RTN4RL1: variants seen among roughly 807,000 people sequenced by gnomAD.
RTN4RL1 encodes the protein reticulon 4 receptor like 1.
In RTN4RL1, 7 loss-of-function variants were observed where a neutral mutation model predicts 25.6. The ratio of observed to expected loss-of-function variants is 0.27; its 90% CI spans 0.16 to 0.51. The LOEUF is 0.51. Ranked by LOEUF, RTN4RL1 falls within the 20% of genes least tolerant of loss-of-function variation. The pLI is 0.97. For synonymous variants in RTN4RL1, 297 were observed against 288.2 expected, an observed-to-expected ratio of 1.03 and a Z score of -0.31; for missense variants, 500 against 615.6, an observed-to-expected ratio of 0.81 and a Z score of 1.99.
At chr17:1,990,615 C>G (rs780721080) in intron 1 of RTN4RL1, among the ~76,000 whole-genome samples, 2 of 151,974 alleles carry the variant, frequency 1.3e-5, no homozygotes, top group Non-Finnish European at 2.9e-5. Flanking sequence ...GTGGGAGGAT[C>G]GCTTGAGCCC....
intron 1 of RTN4RL1, among the ~76,000 whole-genome samples, chr17:2,005,405 A>G (rs1207963108): frequency 6.6e-6 from 1 of 152,214 alleles, no homozygotes; most frequent in East Asian, 1.9e-4. Flanking sequence ...AGTCTGGAGA[A>G]AAAAGGTAAT....
chr17:1,979,825 C>T (rs777691768), intron 1 of RTN4RL1, among the ~76,000 whole-genome samples: 4 of 152,214 alleles, frequency 2.6e-5, no homozygotes, highest in Non-Finnish European at 4.4e-5. Context: ...TCCTCCTCCC[C>T]CCTTGACTGC....
At chr17:2,000,176 G>C (rs73976166) in intron 1 of RTN4RL1, among the ~76,000 whole-genome samples, 6 of 152,232 alleles carry the variant, frequency 3.9e-5, no homozygotes, top group African/African-American at 1.4e-4. Flanking sequence ...GCTGCCCCAG[G>C]TGTCCCTACC....
At position 2,013,618 on chromosome 17, in the gene RTN4RL1, CAG is replaced by C. The variant is rs1170842132; in HGVS notation, c.13+11233_13+11234del. On this transcript the variant is annotated intron_variant, in intron 1 of 1. Transcript: ENST00000331238. ...CCCTCACCCTGGAACATAAATACCC[CAG>C]CTCCCTCACCCTGGAACATAAATAC... Among the ~76,000 whole-genome samples the C allele has an allele frequency of 2.3e-3, 328 of 144,228 alleles. 119 individuals carry two copies. Among genetic ancestry groups the C allele is most frequent in the Admixed American group, 5.8e-3 (84 of 14,406 alleles). The allele number at this position is 144,228 out of a possible 152,430, so 94.6% of individuals were successfully genotyped here.
chr17:1,947,465 G>A (rs1297385983), intron 1 of RTN4RL1, among the ~76,000 whole-genome samples: 3 of 146,916 alleles, frequency 2.0e-5, no homozygotes, highest in Non-Finnish European at 4.6e-5. Context: ...GTCTTATCTC[G>A]GCACTGGCTC....
intron 1 of RTN4RL1, among the ~76,000 whole-genome samples, chr17:1,943,718 TC>T (rs1424334158): frequency 2.0e-5 from 3 of 152,148 alleles, no homozygotes; most frequent in African/African-American, 7.2e-5. Context: ...ACAGGCCACT[TC>T]CTGGTGGGCC....
chr17:2,009,145 A>T (rs1476183662), intron 1 of RTN4RL1, among the ~76,000 whole-genome samples: 1 of 152,224 alleles, frequency 6.6e-6, no homozygotes, highest in Non-Finnish European at 1.5e-5. Context: ...ACTAAGTTCT[A>T]TGTTGTATGC....
chr17:1,968,933 T>C (rs1261355849), intron 1 of RTN4RL1, among the ~76,000 whole-genome samples: 1 of 151,948 alleles, frequency 6.6e-6, no homozygotes, highest in Non-Finnish European at 1.5e-5. Context: ...CATATAAAAA[T>C]AGAACTCTGA....
In RTN4RL1 at chr17:2,024,899, T is replaced by C; in HGVS notation, c.-34A>G. 6.3e-7 allele frequency: 1 copy of C among 1,578,584 alleles called. No homozygotes were observed. The highest frequency in any genetic ancestry group is 8.6e-7 in the Non-Finnish European group (1 of 1,163,060). ...CGGGGCCGCCGCTCCGAGGTCGGCC[T>C]AGGCGCACTCCCTCCCGGGGTCCAG... On this transcript the variant is annotated 5_prime_UTR_variant, in exon 1 of 2. Coordinates refer to ENST00000331238, the MANE Select transcript of RTN4RL1 (RefSeq NM_178568.4).
rs1328999112 is a variant in RTN4RL1 at position 2,002,053 on chromosome 17, C to A, written c.13+22800G>T. On this transcript the variant is annotated intron_variant, in intron 1 of 1. Transcript: ENST00000331238. The stretch of plus-strand genomic sequence containing the variant: ...ACTTGGTCTGATCAGAGGAGAGACG[C>A]AGGGAGCTGACAAGCATCGGAGGTT... Among the ~76,000 whole-genome samples, 6 of 151,046 alleles carry A rather than the reference C, an allele frequency of 4.0e-5. No homozygotes were observed. The East Asian group carries it at 1.2e-3, about 29-fold the overall frequency.
At chr17:1,942,333 G>T (rs1250102400) in intron 1 of RTN4RL1, among the ~76,000 whole-genome samples, 1 of 152,132 alleles carries the variant, frequency 6.6e-6, no homozygotes, top group Admixed American at 6.5e-5. Context: ...GGTGTGGGGG[G>T]TGCCAGTGGG....
chr17:1,989,975 A>C (rs906565795), intron 1 of RTN4RL1, among the ~76,000 whole-genome samples: 6 of 152,224 alleles, frequency 3.9e-5, no homozygotes, highest in Non-Finnish European at 8.8e-5. Context: ...AACAAAACAA[A>C]AAACAAAGGT....
At chr17:2,004,477 C>A (rs1160436199) in intron 1 of RTN4RL1, among the ~76,000 whole-genome samples, 1 of 151,386 alleles carries the variant, frequency 6.6e-6, no homozygotes, top group Admixed American at 6.6e-5. Context: ...CTTTTCCAGT[C>A]GGGGGACCCT....
At position 1,936,442 on chromosome 17, in the gene RTN4RL1, A is replaced by C. The variant is rs1915304826; in HGVS notation, c.*54T>G. On this transcript the variant is annotated 3_prime_UTR_variant, in exon 2 of 2. Transcript: ENST00000331238. ...CACTTGTTAAAAAAAGAAGAAAATA[A>C]ATTCTGTTCCTTGGTGGACATGTGG... The C allele has an allele frequency of 2.7e-6, 4 of 1,482,064 alleles. No individual in the cohort carries two copies. Among genetic ancestry groups the C allele is most frequent in the Non-Finnish European group, 3.6e-6 (4 of 1,125,118 alleles). The allele number at this position is 1,482,064 out of a possible 1,614,324, so 91.8% of individuals were successfully genotyped here.
chr17:1,945,304 C>A (rs907912612), intron 1 of RTN4RL1, among the ~76,000 whole-genome samples: 1 of 152,172 alleles, frequency 6.6e-6, no homozygotes. Flanking sequence ...CTCACTGTAA[C>A]CTCCACCTCC....
rs1250244095 is a variant in RTN4RL1 at position 1,998,770 on chromosome 17, G to A, written c.13+26083C>T. Among the ~76,000 whole-genome samples the A allele has an allele frequency of 2.0e-5, 3 of 151,542 alleles. No individual in the cohort carries two copies. Among genetic ancestry groups the A allele is most frequent in the African/African-American group, 7.3e-5 (3 of 41,274 alleles). ...GACAGGGGCGGCCTCGCGCGCACGG[G>A]GACCCCGGGGTGGGGGTGGGGGTGG... On this transcript the variant is annotated intron_variant, in intron 1 of 1. Transcript: ENST00000331238. This position sits in a 1 kb window ranked among gnomAD's most constrained non-coding sequence, Gnocchi z 4.9.
At position 1,937,376 on chromosome 17, in the gene RTN4RL1, T is replaced by G. The variant is rs1276589062; in HGVS notation, c.446A>C (p.His149Pro). ...CTGCAGGTAGAGGTACTGCAGGCTG[T>G]GCAGGCCGCCAAAGACGCCGGCCGG... ...ALPAGVFGGL[H>P]SLQYLYLQDN... The change falls in exon 2 of 2, where the codon CAC becomes CCC. Residue 149 changes from histidine (H) to proline (P), a missense_variant. Physicochemically the swap from His to Pro is moderately conservative, Grantham distance 77 (BLOSUM62 -2). Around this residue, in one of 2 missense-constraint regions of RTN4RL1, gnomAD observed 232 missense variants for 341.1 expected, o/e 0.68. Transcript: ENST00000331238. 12 of 1,613,526 alleles carry G rather than the reference T, an allele frequency of 7.4e-6. No homozygotes were observed. Among genetic ancestry groups the G allele is most frequent in the Non-Finnish European group, 9.3e-6 (11 of 1,179,872 alleles).
intron 1 of RTN4RL1, among the ~76,000 whole-genome samples, chr17:2,008,431 G>T (rs1370137622): frequency 6.6e-6 from 1 of 152,174 alleles, no homozygotes; most frequent in Non-Finnish European, 1.5e-5. Flanking sequence ...CGTGAACGTA[G>T]GAAGGAAGCG....
chr17:1,935,091 A>G lies in RTN4RL1; in HGVS notation c.*1405T>C, dbSNP rs910589348. The G allele has an allele frequency of 3.3e-5, 5 of 152,562 alleles. No individual in the cohort carries two copies. The highest frequency in any genetic ancestry group is 1.2e-4 in the African/African-American group (5 of 41,446). The allele number at this position is 152,562 out of a possible 1,614,324, so 9.5% of individuals were successfully genotyped here. On this transcript the variant is annotated 3_prime_UTR_variant, in exon 2 of 2. Coordinates refer to ENST00000331238, the MANE Select transcript of RTN4RL1 (RefSeq NM_178568.4). ...GCCCTTGCTGGGTCACACACCAAAC[A>G]GCCTCAAGGAAAAATTCAGCAGCTG... is the stretch of plus-strand genomic sequence containing the variant.
Sources: allele counts gnomAD v4.1 joint callset (sites outside exome capture counted in the v4.1 genomes callset), GRCh38; gene constraint gnomAD v4.1.1; regional missense constraint gnomAD v4.1.1; non-coding constraint Gnocchi (gnomAD v3.1); transcripts MANE v1.5; gene names NCBI Gene and HGNC (gene_info 2026-07-23, HGNC 2026-07-21).